The following TESMIN variants were observed in gnomAD, a reference collection of about 807,000 sequenced individuals.
TESMIN encodes CXC domain containing 2.
In TESMIN, 34 loss-of-function variants were observed where a neutral mutation model predicts 47.4. The observed-to-expected ratio is 0.72, with a 90% CI of 0.55 to 0.96. TESMIN has a LOEUF of 0.96. Among genes scored for constraint, TESMIN ranks in the 40% least tolerant of loss-of-function variants. The probability of loss-of-function intolerance (pLI) is 0.00; values close to 1 mark genes in which losing one functional copy is unlikely to be tolerated. For synonymous variants in TESMIN, 278 were observed against 258.9 expected, an observed-to-expected ratio of 1.07 and a Z score of -0.71; for missense variants, 610 against 637.2, an observed-to-expected ratio of 0.96 and a Z score of 0.46.
At chr11:68,706,065 A>T (rs950182060), downstream of TESMIN, among the ~76,000 whole-genome samples, 1 of 151,588 alleles carries the variant, frequency 6.6e-6, no homozygotes, top group Non-Finnish European at 1.5e-5. Context: ...AAATTTGCAC[A>T]GCTACACTCT....
In TESMIN at chr11:68,713,422, G is replaced by A. The variant is rs1372292170; in HGVS notation, c.1021-15C>T. On this transcript the variant is annotated splice_polypyrimidine_tract_variant and intron_variant, in intron 7 of 9. Transcript: ENST00000255087. ...CCAAGACATGCCTAGGGTAGAATGG[G>A]AAGCTCCATCAGGATGGATTTTATC... 6.2e-7 allele frequency: 1 copy of A among 1,613,406 alleles called. No individual in the cohort carries two copies. The highest frequency in any genetic ancestry group is 1.7e-5 in the Admixed American group (1 of 59,934).
At chr11:68,727,558 G>C (rs1008217021) in intron 6 of TESMIN, among the ~76,000 whole-genome samples, 1 of 152,240 alleles carries the variant, frequency 6.6e-6, no homozygotes, top group Non-Finnish European at 1.5e-5. Context: ...CTAGTGGACA[G>C]TGCTCCTTCT....
chr11:68,724,675 G>C (rs1946240918), intron 6 of TESMIN, among the ~76,000 whole-genome samples: 2 of 152,160 alleles, frequency 1.3e-5, no homozygotes, highest in Non-Finnish European at 2.9e-5. Flanking sequence ...ATAAGGGTAG[G>C]GGCTGGTGCA....
At chr11:68,735,439 C>CT (rs1324831887) in intron 6 of TESMIN, among the ~76,000 whole-genome samples, 2 of 152,194 alleles carry the variant, frequency 1.3e-5, no homozygotes, top group African/African-American at 4.8e-5. Context: ...CCACGAGTAT[C>CT]TACAGAGTCA....
intron 3 of TESMIN, 164 bp downstream of exon 3, chr11:68,747,044 A>T: frequency 4.5e-6 from 3 of 663,930 alleles, no homozygotes; most frequent in Non-Finnish European, 7.9e-6. Context: ...TAGAGGTGAG[A>T]TGTGAAAGGC....
rs11228337 is a variant in TESMIN, at chr11:68,741,317, G to T, written c.828+1001C>A. 6.3e-4 allele frequency among the ~76,000 whole-genome samples: 96 copies of T among 152,206 alleles called. No homozygotes were observed. The East Asian group carries it at 0.017, about 27-fold the overall frequency. The stretch of plus-strand genomic sequence containing the variant: ...GCAGGCATGACCCTATCCAAGGCCC[G>T]CCTGGGATGTTCCACAGCTTGCTTC... On this transcript the variant is annotated intron_variant, in intron 5 of 9. Coordinates refer to ENST00000255087, the MANE Select transcript of TESMIN (RefSeq NM_004923.3).
rs144941174 is a variant in TESMIN at position 68,737,312 on chromosome 11, C to G, written c.917+1388G>C. 4,812 of 985,478 alleles carry G rather than the reference C, an allele frequency of 4.9e-3. 25 individuals are homozygous for G. Among genetic ancestry groups the G allele is most frequent in the Non-Finnish European group, 5.0e-3 (4,156 of 829,970 alleles). 61.0% of individuals were successfully genotyped at this position (985,478 alleles called of 1,614,324 possible). A position where few individuals can be genotyped will look rare whatever the true frequency, so the allele number is the denominator to read the frequency against. On this transcript the variant is annotated intron_variant, in intron 6 of 9. Transcript: ENST00000255087. ...CAGCAAAAGTTGTCAACAGCCTAGG[C>G]ACAGAATTACAACAGCTGAAAGAGC...
At chr11:68,709,783 A>T (rs961119444) in intron 9 of TESMIN, among the ~76,000 whole-genome samples, 3 of 152,188 alleles carry the variant, frequency 2.0e-5, no homozygotes, top group African/African-American at 7.2e-5. Flanking sequence ...ACCGGACTCC[A>T]CAGAACACAC....
chr11:68,750,537 C>G lies in TESMIN; in HGVS notation c.124G>C (p.Glu42Gln). Residue 42 changes from glutamate to glutamine, a missense_variant, in exon 2 of 10, where the codon GAG (glutamate) becomes CAG (glutamine). Glu to Gln is a conservative substitution (Grantham distance 29). Transcript: ENST00000255087. ...NIGLKAPVKY[E>Q]EDEFHVFKEA... ...TTGAAGACGTGGAACTCGTCCTCCT[C>G]GTACTTCACGGGGGCCTTCAGGCCG... 1 of 1,605,638 alleles carries G rather than the reference C, an allele frequency of 6.2e-7. No individual in the cohort carries two copies.
intron 8 of TESMIN, 113 bp from the exon 9 acceptor site, chr11:68,711,162 AGTGT>A (rs1261808673): frequency 5.4e-6 from 5 of 925,364 alleles, no homozygotes; most frequent in African/African-American, 3.3e-5. Context: ...CATGACAGAG[AGTGT>A]GTGTGTGTCT....
chr11:68,717,558 C>T (rs1271603158), intron 6 of TESMIN, among the ~76,000 whole-genome samples: 1 of 152,188 alleles, frequency 6.6e-6, no homozygotes, highest in Non-Finnish European at 1.5e-5. Flanking sequence ...GGGACAGTGA[C>T]AGAAGATTTG....
chr11:68,715,854 G>C lies in TESMIN; in HGVS notation c.1003C>G (p.Arg335Gly), dbSNP rs750009519. Reference sequence around the variant, plus strand: ...TTTATTACCTTAATGGCTTTAAACCGTTCAATATCATGATGCAAGTTGTTG... The same window carrying C: ...TTTATTACCTTAATGGCTTTAAACCCTTCAATATCATGATGCAAGTTGTTG... ...CCNNLHHDIE[R>G]FKAIKACLGR... is the part of the protein sequence containing the mutation. Residue 335 changes from arginine (R) to glycine (G), a missense_variant, in exon 7 of 10, where the codon CGG (arginine) becomes GGG (glycine). Transcript: ENST00000255087. The C allele has an allele frequency of 1.2e-6, 2 of 1,607,196 alleles. No individual in the cohort carries two copies.
chr11:68,704,844 AC>A (rs1945984213), downstream of TESMIN, among the ~76,000 whole-genome samples: 1 of 152,252 alleles, frequency 6.6e-6, no homozygotes, highest in South Asian at 2.1e-4. Context: ...TTGTTGAAAA[AC>A]AAACCAGCTA....
intron 6 of TESMIN, among the ~76,000 whole-genome samples, chr11:68,735,201 C>A (rs1050157682): frequency 6.6e-6 from 1 of 152,128 alleles, no homozygotes; most frequent in Non-Finnish European, 1.5e-5. Context: ...TGCCACCTGG[C>A]CTGTCCACCT....
In TESMIN at chr11:68,711,280, T is replaced by A. The variant is rs530998440; in HGVS notation, c.1159-231A>T. ...TGTGTTGAGTGTGAATGTGTAAGAGTGTGTGTGTGTTGAGCGTGTATATGA... is the reference window on the plus strand; with the variant it reads ...TGTGTTGAGTGTGAATGTGTAAGAGAGTGTGTGTGTTGAGCGTGTATATGA... On this transcript the variant is annotated intron_variant, in intron 8 of 9. Transcript: ENST00000255087. Among the ~76,000 whole-genome samples, 9 of 145,704 alleles carry A rather than the reference T, an allele frequency of 6.2e-5. No homozygotes were observed. In the South Asian group the frequency reaches 9.1e-4, roughly 15 times the overall value.
chr11:68,736,250 T>C, intron 6 of TESMIN: 2 of 985,358 alleles, frequency 2.0e-6, no homozygotes, highest in Middle Eastern at 5.2e-4. Context: ...AGCTACAGAG[T>C]GTCAGGACAA....
At chr11:68,729,183 T>C (rs1369967345) in intron 6 of TESMIN, among the ~76,000 whole-genome samples, 1 of 152,234 alleles carries the variant, frequency 6.6e-6, no homozygotes, top group African/African-American at 2.4e-5. Context: ...AGAATATTCA[T>C]GATTCATGGG....
At position 68,713,405 on chromosome 11, in the gene TESMIN, T is replaced by A. The variant is rs970691859; in HGVS notation, c.1023A>T (p.Ala341=). ...AAGCTTCTGGATTTCTACCAAGACA[T>A]GCCTAGGGTAGAATGGGAAGCTCCA... The part of the protein sequence containing the change: ...HDIERFKAIK[A]CLGRNPEAFQ... The change falls in exon 8 of 10, where the codon GCA becomes GCT. Residue 341 remains alanine, a splice_region_variant and synonymous_variant. Coordinates refer to ENST00000255087, the MANE Select transcript of TESMIN (RefSeq NM_004923.3). 6 of 1,613,946 alleles carry A rather than the reference T, an allele frequency of 3.7e-6. No individual in the cohort carries two copies. Among genetic ancestry groups the A allele is most frequent in the Non-Finnish European group, 5.1e-6 (6 of 1,179,992 alleles).
chr11:68,721,422 C>T (rs1946202099), intron 6 of TESMIN, among the ~76,000 whole-genome samples: 1 of 152,182 alleles, frequency 6.6e-6, no homozygotes, highest in Admixed American at 6.5e-5. Context: ...GCCATGCTTG[C>T]TCAACACGTC....
Sources: gnomAD v4.1 joint callset for allele counts (sites outside exome capture counted in the v4.1 genomes callset) on GRCh38, gnomAD v4.1.1 for gene constraint, MANE v1.5 for transcripts, NCBI Gene and HGNC (gene_info 2026-07-23, HGNC 2026-07-21) for gene names.